The following RSRC1 variants were observed in gnomAD, a reference collection of about 807,000 sequenced individuals.
The protein encoded by RSRC1 is serine/Arginine-related protein 53.
RSRC1 carries 39 observed loss-of-function variants against 49.1 expected under a neutral mutation model. The observed-to-expected ratio is 0.79, with a 90% CI of 0.61 to 1.04. The LOEUF (loss-of-function observed/expected upper bound fraction) is 1.04, where lower values mean the gene tolerates loss of function less well. Ranked by LOEUF, RSRC1 falls within the 50% of genes least tolerant of loss-of-function variation. The pLI, the probability that RSRC1 is intolerant of heterozygous loss-of-function variation, is 0.00. For missense variants in RSRC1, 388 were observed against 402.4 expected, an observed-to-expected ratio of 0.96 and a Z score of 0.31; for synonymous variants, 143 against 130.8, an observed-to-expected ratio of 1.09 and a Z score of -0.63.
At chr3:158,212,432 C>T (rs1354904984) in intron 4 of RSRC1, among the ~76,000 whole-genome samples, 1 of 151,696 alleles carries the variant, frequency 6.6e-6, no homozygotes, top group Non-Finnish European at 1.5e-5. Flanking sequence ...AATCATGCTA[C>T]AGTTAGTATC....
intron 7 of RSRC1, among the ~76,000 whole-genome samples, chr3:158,534,602 A>G (rs1308362106): frequency 6.6e-6 from 1 of 151,586 alleles, no homozygotes; most frequent in African/African-American, 2.4e-5. Context: ...ATGTGAAAAA[A>G]CTGAAATATA....
At chr3:158,480,639 T>G (rs1738572188) in intron 7 of RSRC1, among the ~76,000 whole-genome samples, 1 of 152,054 alleles carries the variant, frequency 6.6e-6, no homozygotes, top group African/African-American at 2.4e-5. Context: ...TTGTGCATGT[T>G]ATATGAACTT....
intron 4 of RSRC1, among the ~76,000 whole-genome samples, chr3:158,257,492 A>G (rs1172130447): frequency 1.3e-5 from 2 of 152,118 alleles, no homozygotes; most frequent in Admixed American, 6.5e-5. Flanking sequence ...AGCATAGAAT[A>G]TCTTTTTTCC....
intron 6 of RSRC1, among the ~76,000 whole-genome samples, chr3:158,364,249 A>G (rs1299998973): frequency 6.6e-6 from 1 of 152,228 alleles, no homozygotes; most frequent in African/African-American, 2.4e-5. Flanking sequence ...CTTTACCCTG[A>G]TCTAAAGCTG....
chr3:158,304,620 A>C (rs568014255), intron 5 of RSRC1, among the ~76,000 whole-genome samples: 2 of 152,280 alleles, frequency 1.3e-5, no homozygotes, highest in South Asian at 4.1e-4. Context: ...ATACTCAATA[A>C]ATTTATTAAA....
intron 6 of RSRC1, among the ~76,000 whole-genome samples, chr3:158,446,514 AG>A (rs1736729615): frequency 6.6e-6 from 1 of 152,026 alleles, no homozygotes; most frequent in African/African-American, 2.4e-5. Context: ...TTGACTTACT[AG>A]TAAAAATTTG....
intron 4 of RSRC1, among the ~76,000 whole-genome samples, chr3:158,220,147 G>T (rs754386761): frequency 6.6e-6 from 1 of 151,598 alleles, no homozygotes; most frequent in Non-Finnish European, 1.5e-5. Flanking sequence ...GATTAAAACA[G>T]ATAATGTATT....
intron 1 of RSRC1, among the ~76,000 whole-genome samples, chr3:158,120,137 A>C (rs1445508106): frequency 1.3e-5 from 2 of 152,124 alleles, no homozygotes; most frequent in South Asian, 2.1e-4. Context: ...CCACTTTCAT[A>C]GTCATTTTAA....
intron 3 of RSRC1, among the ~76,000 whole-genome samples, chr3:158,176,568 G>T (rs1719233547): frequency 6.6e-6 from 1 of 152,150 alleles, no homozygotes; most frequent in Non-Finnish European, 1.5e-5. Flanking sequence ...TTTAATAAAT[G>T]GTGCTGGGAA....
chr3:158,465,862 T>G (rs561223609), intron 7 of RSRC1, among the ~76,000 whole-genome samples: 28 of 152,290 alleles, frequency 1.8e-4, no homozygotes, highest in Admixed American at 1.6e-3. Flanking sequence ...CTGTTTTCTT[T>G]AAAAAGAAAA....
In RSRC1 at chr3:158,424,797, C is replaced by A. The variant is rs1216444256; in HGVS notation, c.584-36138C>A. ...ATTCAGAGATTCAACTTCTTCCTGGCTTAGTCTTGGGAGAGTGTATGTGTC... is the reference window on the plus strand; with the variant it reads ...ATTCAGAGATTCAACTTCTTCCTGGATTAGTCTTGGGAGAGTGTATGTGTC... On this transcript the variant is annotated intron_variant, in intron 6 of 9. Transcript: ENST00000611884. 4.6e-5 allele frequency among the ~76,000 whole-genome samples: 7 copies of A among 150,840 alleles called. No homozygotes were observed. In the East Asian group the frequency reaches 1.4e-3, roughly 30 times the overall value.
chr3:158,220,434 C>T (rs1328109331), intron 4 of RSRC1, among the ~76,000 whole-genome samples: 1 of 151,510 alleles, frequency 6.6e-6, no homozygotes, highest in Non-Finnish European at 1.5e-5. Flanking sequence ...TGACGCCGTA[C>T]CGAAAGCCAA....
chr3:158,117,180 T>TA (rs1285523976), intron 1 of RSRC1, among the ~76,000 whole-genome samples: 13 of 152,246 alleles, frequency 8.5e-5, no homozygotes, highest in Non-Finnish European at 4.4e-5. Context: ...CATATTTTTT[T>TA]ATCTTTAGAA....
chr3:158,212,823 C>T (rs1448501855), intron 4 of RSRC1, among the ~76,000 whole-genome samples: 3 of 151,924 alleles, frequency 2.0e-5, no homozygotes, highest in African/African-American at 7.2e-5. Context: ...CTTATAATCA[C>T]TCATTACAGT....
intron 7 of RSRC1, among the ~76,000 whole-genome samples, chr3:158,499,995 G>A (rs918262796): frequency 6.6e-6 from 1 of 152,200 alleles, no homozygotes; most frequent in Non-Finnish European, 1.5e-5. Flanking sequence ...TATGTTGGCT[G>A]TGAGTTTGTC....
intron 4 of RSRC1, among the ~76,000 whole-genome samples, chr3:158,282,745 GT>G (rs1726257308): frequency 1.3e-5 from 2 of 152,204 alleles, no homozygotes; most frequent in African/African-American, 4.8e-5. Flanking sequence ...AGAGAATCTT[GT>G]TTTAGGTAGA....
intron 3 of RSRC1, among the ~76,000 whole-genome samples, chr3:158,174,793 C>T (rs1191060561): frequency 6.6e-6 from 1 of 152,026 alleles, no homozygotes; most frequent in Non-Finnish European, 1.5e-5. Flanking sequence ...TTTGGTATTA[C>T]AAAGAATGGT....
intron 6 of RSRC1, among the ~76,000 whole-genome samples, chr3:158,424,219 C>T (rs1735265013): frequency 6.6e-6 from 1 of 152,054 alleles, no homozygotes; most frequent in Non-Finnish European, 1.5e-5. Context: ...GTGGGTTTGT[C>T]ATAGGTAGCT....
At chr3:158,312,036 A>G (rs1035721787) in intron 5 of RSRC1, among the ~76,000 whole-genome samples, 16 of 152,122 alleles carry the variant, frequency 1.1e-4, no homozygotes, top group African/African-American at 3.1e-4. Flanking sequence ...TGGACATGGT[A>G]GAAACCCTGG....
Sources: allele counts gnomAD v4.1 joint callset (sites outside exome capture counted in the v4.1 genomes callset), GRCh38; gene constraint gnomAD v4.1.1; transcripts MANE v1.5; gene names NCBI Gene and HGNC (gene_info 2026-07-23, HGNC 2026-07-21).